The following RABGAP1L variants were observed in gnomAD, a reference collection of about 807,000 sequenced individuals.
The protein encoded by RABGAP1L is rab GTPase-activating protein 1-like.
RABGAP1L carries 63 observed loss-of-function variants against 137.7 expected under a neutral mutation model. The ratio of observed to expected loss-of-function variants is 0.46; its 90% CI spans 0.37 to 0.56. The LOEUF (loss-of-function observed/expected upper bound fraction) is 0.56. Ranked by LOEUF, RABGAP1L falls within the 20% of genes least tolerant of loss-of-function variation. The pLI is 0.00. For missense variants in RABGAP1L, 1,095 were observed against 1,244.0 expected (o/e 0.88, Z 1.80); for synonymous variants, 431 against 433.7 (o/e 0.99, Z 0.08).
chr1:174,780,456 C>T (rs1229326595), intron 18 of RABGAP1L, among the ~76,000 whole-genome samples: 2 of 152,090 alleles, frequency 1.3e-5, no homozygotes, highest in African/African-American at 4.8e-5. Context: ...CTATCTAACC[C>T]CTGATCATCA....
intron 19 of RABGAP1L, among the ~76,000 whole-genome samples, chr1:174,878,997 G>T (rs1044808880): frequency 6.9e-5 from 9 of 131,216 alleles, no homozygotes; most frequent in African/African-American, 2.7e-4. Context: ...ACAGTGACAC[G>T]ATTTCAGCTC....
At chr1:174,901,273 C>T (rs541683493) in intron 19 of RABGAP1L, among the ~76,000 whole-genome samples, 19 of 152,154 alleles carry the variant, frequency 1.2e-4, no homozygotes, top group Non-Finnish European at 2.4e-4. Flanking sequence ...AAGACATACT[C>T]GAGACTAGAG....
intron 17 of RABGAP1L, among the ~76,000 whole-genome samples, chr1:174,730,859 G>A (rs1391599908): frequency 1.3e-5 from 2 of 151,988 alleles, no homozygotes; most frequent in African/African-American, 4.8e-5. Flanking sequence ...AAAAATTGTG[G>A]CCTAGAAAAA....
At chr1:174,598,128 A>G (rs1263250934) in intron 13 of RABGAP1L, among the ~76,000 whole-genome samples, 1 of 152,086 alleles carries the variant, frequency 6.6e-6, no homozygotes, top group Non-Finnish European at 1.5e-5. Flanking sequence ...CAGGAGATCA[A>G]GGCTATCCTG....
intron 13 of RABGAP1L, among the ~76,000 whole-genome samples, chr1:174,537,771 C>G (rs993696684): frequency 1.8e-4 from 27 of 152,216 alleles, no homozygotes; most frequent in African/African-American, 6.0e-4. Flanking sequence ...ATGCATGTAT[C>G]AAGATCTTTT....
At chr1:174,615,053 C>T (rs1431812828) in intron 13 of RABGAP1L, among the ~76,000 whole-genome samples, 1 of 152,204 alleles carries the variant, frequency 6.6e-6, no homozygotes, top group African/African-American at 2.4e-5. Context: ...GTAGTTTGAT[C>T]GTCTGAAGCC....
At chr1:174,715,693 A>C (rs1364981135) in intron 17 of RABGAP1L, among the ~76,000 whole-genome samples, 1 of 152,182 alleles carries the variant, frequency 6.6e-6, no homozygotes, top group Non-Finnish European at 1.5e-5. Flanking sequence ...TAAATAACAG[A>C]TGGTCTTTGT....
At chr1:174,268,374 T>G (rs1209175816) in intron 7 of RABGAP1L, among the ~76,000 whole-genome samples, 19 of 151,984 alleles carry the variant, frequency 1.3e-4, no homozygotes. Context: ...TAATTTTTTT[T>G]GTATTTTTTA....
chr1:174,360,270 T>C (rs993188055), intron 11 of RABGAP1L, among the ~76,000 whole-genome samples: 5 of 152,094 alleles, frequency 3.3e-5, no homozygotes, highest in East Asian at 1.9e-4. Flanking sequence ...ATGCTTATCA[T>C]TATGCATACT....
chr1:174,193,541 A>C (rs894466910), intron 1 of RABGAP1L, among the ~76,000 whole-genome samples: 1 of 152,196 alleles, frequency 6.6e-6, no homozygotes, highest in Admixed American at 6.5e-5. Context: ...AAAAATCCCC[A>C]AAATAGAAAA....
At chr1:174,551,019 TATACATACAC>T (rs1666498033) in intron 13 of RABGAP1L, among the ~76,000 whole-genome samples, 2 of 116,000 alleles carry the variant, frequency 1.7e-5, no homozygotes, top group Non-Finnish European at 3.4e-5. Flanking sequence ...TATATATATA[TATACATACAC>T]ACACACACAT....
intron 13 of RABGAP1L, among the ~76,000 whole-genome samples, chr1:174,498,685 AT>A (rs1369713879): frequency 7.8e-5 from 7 of 90,274 alleles, no homozygotes; most frequent in African/African-American, 3.0e-4. Flanking sequence ...TTTTTTTTGT[AT>A]TTTTAGTAAA....
chr1:174,981,487 G>A (rs896731891), intron 23 of RABGAP1L, among the ~76,000 whole-genome samples: 1 of 149,234 alleles, frequency 6.7e-6, no homozygotes, highest in African/African-American at 2.5e-5. Context: ...GATAATAGAG[G>A]TAGACCATAT....
chr1:174,392,146 G>A (rs761396213), intron 12 of RABGAP1L, among the ~76,000 whole-genome samples: 2 of 152,110 alleles, frequency 1.3e-5, no homozygotes, highest in Non-Finnish European at 2.9e-5. Context: ...TTAAAGCCAC[G>A]AGAGAAGTTT....
chr1:174,166,291 G>A (rs1664904262), intron 1 of RABGAP1L, among the ~76,000 whole-genome samples: 1 of 152,070 alleles, frequency 6.6e-6, no homozygotes, highest in African/African-American at 2.4e-5. Flanking sequence ...TAGTAGAACA[G>A]GAAGCAGTTT....
At chr1:174,703,623 T>C (rs1256770763) in intron 17 of RABGAP1L, among the ~76,000 whole-genome samples, 1 of 152,220 alleles carries the variant, frequency 6.6e-6, no homozygotes, top group Non-Finnish European at 1.5e-5. Flanking sequence ...GATTGCTGGA[T>C]TGAATGGTAG....
chr1:174,379,461 C>T (rs142085815), intron 12 of RABGAP1L, among the ~76,000 whole-genome samples: 44,399 of 139,234 alleles, frequency 0.32, 8,999 homozygotes, highest in African/African-American at 0.6. Flanking sequence ...CTTTTATTTC[C>T]TTGAGCAGTG....
At chr1:174,458,921 A>G (rs188298831) in intron 13 of RABGAP1L, among the ~76,000 whole-genome samples, 83 of 152,272 alleles carry the variant, frequency 5.5e-4, no homozygotes, top group Admixed American at 2.0e-3. Context: ...ACTAAAAAAC[A>G]GAAGATATAG....
At chr1:174,906,074 G>C (rs148491770) in intron 19 of RABGAP1L, among the ~76,000 whole-genome samples, 1 of 152,216 alleles carries the variant, frequency 6.6e-6, no homozygotes, top group African/African-American at 2.4e-5. Context: ...TCGGAGTGCA[G>C]TGGCCCCATC....
Sources: allele counts gnomAD v4.1 joint callset (sites outside exome capture counted in the v4.1 genomes callset), GRCh38; gene constraint gnomAD v4.1.1; transcripts MANE v1.5; gene names NCBI Gene and HGNC (gene_info 2026-07-23, HGNC 2026-07-21).